The following NCOR2 variants were observed in gnomAD, a reference collection of about 807,000 sequenced individuals.
The protein encoded by NCOR2 is CTG repeat protein 26.
A neutral mutation model predicts 262.9 loss-of-function variants in NCOR2; 81 were observed. That is an observed-to-expected ratio of 0.31 (90% confidence interval 0.26 to 0.37). The LOEUF (loss-of-function observed/expected upper bound fraction) is 0.37, where lower values mean the gene tolerates loss of function less well. NCOR2 is among the 10% of genes least tolerant of loss of function. NCOR2 has a pLI of 1.00. For missense variants in NCOR2, 3,385 were observed against 3,621.4 expected (o/e 0.93, Z 1.68); for synonymous variants, 1,659 against 1,559.3 (o/e 1.06, Z -1.51).
At chr12:124,519,975 C>A (rs937413736) in intron 1 of NCOR2, among the ~76,000 whole-genome samples, 2 of 152,208 alleles carry the variant, frequency 1.3e-5, no homozygotes, top group African/African-American at 4.8e-5. Flanking sequence ...GTAATTCAGC[C>A]ACAAGGAGTC....
At chr12:124,507,965 T>C (rs762987821) in intron 1 of NCOR2, among the ~76,000 whole-genome samples, 11 of 152,254 alleles carry the variant, frequency 7.2e-5, no homozygotes, top group Non-Finnish European at 1.2e-4. Flanking sequence ...CTGAGGAATT[T>C]ATGGGGTCGC....
At chr12:124,368,870 C>T (rs12369200) in intron 20 of NCOR2, among the ~76,000 whole-genome samples, 3,689 of 152,370 alleles carry the variant, frequency 0.024, 70 homozygotes, top group Non-Finnish European at 0.038. Flanking sequence ...CCAGCGCCCC[C>T]GGCGCCTGGC....
rs963807715 is a variant in NCOR2 at position 124,378,454 on chromosome 12, G to C, written c.2020-70C>G. On this transcript the variant is annotated intron_variant, in intron 17 of 46. Coordinates refer to ENST00000405201, the Ensembl canonical transcript of NCOR2. This position sits in a 1 kb window ranked among gnomAD's most constrained non-coding sequence, Gnocchi z 4.2. ...TCAGCTCGGGGACTCCCCATGCCTG[G>C]GGCCTCGCCGCAGGTGCAAAGGGCA... 6.1e-6 allele frequency: 9 copies of C among 1,464,104 alleles called. No homozygotes were observed. The highest frequency in any genetic ancestry group is 4.2e-5 in the African/African-American group (3 of 71,050). The allele number at this position is 1,464,104 out of a possible 1,614,324, so 90.7% of individuals were successfully genotyped here.
chr12:124,436,379 T>G (rs557967106), intron 8 of NCOR2, among the ~76,000 whole-genome samples: 65 of 152,236 alleles, frequency 4.3e-4, no homozygotes, highest in Non-Finnish European at 6.9e-4. Context: ...GCTGCAGGTA[T>G]GAGGGGAGCC....
chr12:124,423,886 G>C (rs1404831275), intron 11 of NCOR2, among the ~76,000 whole-genome samples: 6 of 152,244 alleles, frequency 3.9e-5, no homozygotes, highest in Admixed American at 3.9e-4. Flanking sequence ...TTGAGGTTCA[G>C]AGGGGGAATG....
At chr12:124,333,397 C>T (rs976105191) in intron 41 of NCOR2, 118 bp from the exon 44 acceptor site, 1 of 959,796 alleles carries the variant, frequency 1.0e-6, no homozygotes, top group Non-Finnish European at 1.4e-6. Flanking sequence ...AAATCATAAA[C>T]GTTTTAGGCA....
At chr12:124,398,792 G>A (rs1158867770) in intron 15 of NCOR2, among the ~76,000 whole-genome samples, 3 of 152,194 alleles carry the variant, frequency 2.0e-5, no homozygotes, top group Admixed American at 1.3e-4. Context: ...GAGTAAAATC[G>A]CCCATGGCGG....
intron 13 of NCOR2, among the ~76,000 whole-genome samples, chr12:124,408,988 G>A (rs1260579386): frequency 1.3e-5 from 2 of 152,138 alleles, no homozygotes; most frequent in Non-Finnish European, 2.9e-5. Flanking sequence ...ACGGTGAGAG[G>A]ATTTATTTAC....
In NCOR2 at chr12:124,418,110, CGTCTTT is replaced by C. The variant is rs2043008076; in HGVS notation, c.1482+1841_1482+1846del. Among the ~76,000 whole-genome samples, 4 of 151,830 alleles carry C rather than the reference CGTCTTT, an allele frequency of 2.6e-5. No homozygotes were observed. In the South Asian group the frequency reaches 8.3e-4, roughly 32 times the overall value. Reference sequence around the variant, plus strand: ...AAAAAACAAAAATAAAACATAGCTACGTCTTTGGAATACATGCTCTGTGCCACTCGG... The same window carrying C: ...AAAAAACAAAAATAAAACATAGCTACGGAATACATGCTCTGTGCCACTCGG... On this transcript the variant is annotated intron_variant, in intron 13 of 46. Coordinates refer to ENST00000405201, the Ensembl canonical transcript of NCOR2.
intron 10 of NCOR2, 172 bp downstream of exon 12, chr12:124,429,441 C>T: frequency 1.5e-6 from 1 of 662,188 alleles, no homozygotes; most frequent in South Asian, 1.8e-5. Flanking sequence ...TCTGCTCGCC[C>T]CTGCAGGCCT....
chr12:124,490,006 G>A (rs996251041), intron 1 of NCOR2, among the ~76,000 whole-genome samples: 7 of 152,178 alleles, frequency 4.6e-5, no homozygotes, highest in East Asian at 1.9e-4. Flanking sequence ...TGGATTCATG[G>A]GAAAGCAAAG....
At chr12:124,412,626 T>TGGGCTGTGGGGTAG (rs2042642676) in intron 13 of NCOR2, among the ~76,000 whole-genome samples, 1 of 152,214 alleles carries the variant, frequency 6.6e-6, no homozygotes, top group Non-Finnish European at 1.5e-5. Flanking sequence ...TTGAGTGTAC[T>TGGGCTGTGGGGTAG]CCCATGGGTG....
upstream of NCOR2, among the ~76,000 whole-genome samples, chr12:124,499,985 GCTC>G (rs2048608867): frequency 6.6e-6 from 1 of 152,134 alleles, no homozygotes; most frequent in African/African-American, 2.4e-5. Context: ...CGAGGAAACA[GCTC>G]GCTGCAGGAG....
chr12:124,452,403 T>G (rs1193559671), intron 6 of NCOR2, among the ~76,000 whole-genome samples: 2 of 152,150 alleles, frequency 1.3e-5, no homozygotes, highest in African/African-American at 4.8e-5. Context: ...AGGCCCCAAT[T>G]TAAATGGTGC....
At chr12:124,451,711 A>C (rs2045551452) in intron 6 of NCOR2, among the ~76,000 whole-genome samples, 1 of 152,112 alleles carries the variant, frequency 6.6e-6, no homozygotes, top group Non-Finnish European at 1.5e-5. Flanking sequence ...TGGAACAGGG[A>C]AGGATGGAGA....
At chr12:124,554,452 G>A (rs541742812) in intron 1 of NCOR2, among the ~76,000 whole-genome samples, 4 of 152,028 alleles carry the variant, frequency 2.6e-5, no homozygotes, top group East Asian at 1.9e-4. Context: ...AGGTTCCCTC[G>A]GTGCCCCCTC....
intron 11 of NCOR2, 72 bp downstream of exon 13, chr12:124,426,550 G>A (rs927774806): frequency 2.3e-5 from 32 of 1,394,680 alleles, no homozygotes; most frequent in South Asian, 8.4e-5. Flanking sequence ...GGTGGCTGCC[G>A]GGAGACAGCG....
rs891458594 is a variant in NCOR2, at chr12:124,440,666, C to T, written c.816-2670G>A. 6.6e-6 allele frequency among the ~76,000 whole-genome samples: 1 copy of T among 152,200 alleles called. No homozygotes were observed. Among genetic ancestry groups the T allele is most frequent in the Non-Finnish European group, 1.5e-5 (1 of 68,036 alleles). On this transcript the variant is annotated intron_variant, in intron 7 of 46. Coordinates refer to ENST00000405201, the Ensembl canonical transcript of NCOR2. The surrounding 1 kb of genome is among the most constrained non-coding windows in gnomAD (Gnocchi z 5.7). ...GGAGCAAGACACAGTTGAGGGCTCT[C>T]ACAGAGGTGACACTGACAATAAGCA...
At chr12:124,363,571 T>G in intron 21 of NCOR2, 108 bp downstream of exon 23, 19 of 1,044,868 alleles carry the variant, frequency 1.8e-5, no homozygotes, top group Non-Finnish European at 2.4e-5. Context: ...CAGAAGCGGA[T>G]GAGCTAGGCT....
Sources: gnomAD v4.1 joint callset for allele counts (sites outside exome capture counted in the v4.1 genomes callset) on GRCh38, gnomAD v4.1.1 for gene constraint, Gnocchi (gnomAD v3.1) non-coding constraint, MANE v1.5 for transcripts, NCBI Gene and HGNC (gene_info 2026-07-23, HGNC 2026-07-21) for gene names.